The following NLGN1 variants were observed in gnomAD, a reference collection of about 807,000 sequenced individuals.
NLGN1 encodes neuroligin-1.
In NLGN1, 12 loss-of-function variants were observed where a neutral mutation model predicts 65.5. The observed-to-expected ratio is 0.18, with a 90% CI of 0.12 to 0.30. The LOEUF (loss-of-function observed/expected upper bound fraction) is 0.30, where lower values mean the gene tolerates loss of function less well. Among genes scored for constraint, NLGN1 ranks in the 10% least tolerant of loss-of-function variants. NLGN1 has a pLI of 1.00. For missense variants in NLGN1, 750 were observed against 1,007.1 expected (o/e 0.74, Z 3.46); for synonymous variants, 350 against 359.5 (o/e 0.97, Z 0.30).
intron 3 of NLGN1, among the ~76,000 whole-genome samples, chr3:173,758,458 C>G (rs1318669643): frequency 2.6e-5 from 4 of 152,002 alleles, no homozygotes; most frequent in African/African-American, 7.2e-5. Flanking sequence ...AATTTAAATT[C>G]TCTTTTTACT....
chr3:173,419,174 T>C (rs562959641), intron 1 of NLGN1, among the ~76,000 whole-genome samples: 1 of 151,408 alleles, frequency 6.6e-6, no homozygotes, highest in East Asian at 1.9e-4. Context: ...TGAGAAGGGC[T>C]TCTGGCTGAT....
At chr3:174,066,516 GTCTCTCTCTC>G (rs373763421) in intron 4 of NLGN1, among the ~76,000 whole-genome samples, 913 of 67,028 alleles carry the variant, frequency 0.014, 8 homozygotes, top group East Asian at 0.048. Flanking sequence ...TATGGAACAA[GTCTCTCTCTC>G]TCTCTCTCTC....
chr3:174,200,191 G>T (rs1321693858), intron 4 of NLGN1, among the ~76,000 whole-genome samples: 1 of 152,148 alleles, frequency 6.6e-6, no homozygotes, highest in Non-Finnish European at 1.5e-5. Flanking sequence ...TCTGTAAAAT[G>T]CAGGTAGTGA....
In NLGN1 at chr3:173,754,941, T is replaced by TTACCA. The variant is rs553234750; in HGVS notation, c.494-52737_494-52733dup. Among the ~76,000 whole-genome samples the TTACCA allele has an allele frequency of 4.7e-3, 723 of 152,228 alleles. 6 individuals are homozygous for TTACCA. The highest frequency in any genetic ancestry group is 0.017 in the African/African-American group (690 of 41,572). ...CACCTTCAATCACTCATCACAGAGTTTACCATGAAATGCCATCTAAAGGTT... is the reference window on the plus strand; with the variant it reads ...CACCTTCAATCACTCATCACAGAGTTTACCATACCATGAAATGCCATCTAAAGGTT... On this transcript the variant is annotated intron_variant, in intron 3 of 6. Transcript: ENST00000457714.
chr3:173,758,826 G>A (rs1217701012), intron 3 of NLGN1, among the ~76,000 whole-genome samples: 1 of 151,930 alleles, frequency 6.6e-6, no homozygotes, highest in Non-Finnish European at 1.5e-5. Context: ...TCTGATATCA[G>A]TTCTCAATTT....
chr3:174,107,241 A>T (rs1309535519), intron 4 of NLGN1, among the ~76,000 whole-genome samples: 2 of 152,036 alleles, frequency 1.3e-5, no homozygotes, highest in African/African-American at 2.4e-5. Context: ...CATCATAAGG[A>T]TCTCTCATGT....
intron 4 of NLGN1, among the ~76,000 whole-genome samples, chr3:174,124,587 ATATATACGTATACATATATACG>A (rs1718493060): frequency 2.5e-5 from 2 of 80,600 alleles, no homozygotes; most frequent in African/African-American, 1.2e-4. Context: ...ATATATACGT[ATATATACGTATACATATATACG>A]TATATATACG....
intron 2 of NLGN1, among the ~76,000 whole-genome samples, chr3:173,536,946 A>G (rs1194552882): frequency 6.6e-6 from 1 of 152,188 alleles, no homozygotes; most frequent in Non-Finnish European, 1.5e-5. Flanking sequence ...TTCCAGTCTG[A>G]GTCTGAGTCC....
At chr3:173,833,677 C>G (rs1723038795) in intron 4 of NLGN1, among the ~76,000 whole-genome samples, 1 of 152,068 alleles carries the variant, frequency 6.6e-6, no homozygotes, top group Non-Finnish European at 1.5e-5. Flanking sequence ...CACCACCACA[C>G]CCTGCTAATT....
At chr3:173,726,444 A>T (rs1771792598) in intron 3 of NLGN1, among the ~76,000 whole-genome samples, 1 of 151,942 alleles carries the variant, frequency 6.6e-6, no homozygotes, top group South Asian at 2.1e-4. Flanking sequence ...TTCTCACAGG[A>T]TTCTCAAGAA....
intron 4 of NLGN1, among the ~76,000 whole-genome samples, chr3:173,870,211 A>T (rs534512650): frequency 6.6e-6 from 1 of 152,314 alleles, no homozygotes; most frequent in African/African-American, 2.4e-5. Flanking sequence ...ATTAAGTTGC[A>T]TGTATTTATA....
chr3:173,658,566 T>C (rs548634957), intron 3 of NLGN1, among the ~76,000 whole-genome samples: 2 of 152,036 alleles, frequency 1.3e-5, no homozygotes, highest in Non-Finnish European at 2.9e-5. Flanking sequence ...AGATGACTTC[T>C]GATGAGTCCA....
At chr3:173,572,365 T>G (rs1455963158) in intron 2 of NLGN1, among the ~76,000 whole-genome samples, 2 of 152,238 alleles carry the variant, frequency 1.3e-5, no homozygotes, top group East Asian at 3.8e-4. Context: ...TTGTTCAGAT[T>G]TGTAGTATAA....
intron 2 of NLGN1, among the ~76,000 whole-genome samples, chr3:173,459,814 T>C (rs1240499013): frequency 2.0e-5 from 3 of 152,094 alleles, no homozygotes; most frequent in Non-Finnish European, 4.4e-5. Flanking sequence ...AGTTAAATAC[T>C]ATAATAGCAT....
chr3:174,231,745 A>G (rs1023026718), intron 4 of NLGN1, among the ~76,000 whole-genome samples: 3 of 152,094 alleles, frequency 2.0e-5, no homozygotes, highest in Non-Finnish European at 4.4e-5. Flanking sequence ...TTAGCCTGGC[A>G]TGTTGCTCCC....
chr3:173,875,923 T>G (rs1732017398), intron 4 of NLGN1, among the ~76,000 whole-genome samples: 1 of 152,146 alleles, frequency 6.6e-6, no homozygotes, highest in South Asian at 2.1e-4. Context: ...AGGAGATGCT[T>G]ACAAAGAGTT....
At chr3:174,262,429 A>C (rs376651929) in intron 4 of NLGN1, among the ~76,000 whole-genome samples, 405 of 135,290 alleles carry the variant, frequency 3.0e-3, no homozygotes, top group African/African-American at 0.011. Context: ...TGTATGTGTC[A>C]AGGAATGTAT....
chr3:174,235,101 T>TA (rs1741477897), intron 4 of NLGN1, among the ~76,000 whole-genome samples: 1 of 148,224 alleles, frequency 6.7e-6, no homozygotes, highest in Non-Finnish European at 1.5e-5. Flanking sequence ...GCATCTGACC[T>TA]GCATTCTCTT....
At chr3:173,561,586 T>C (rs1206821427) in intron 2 of NLGN1, among the ~76,000 whole-genome samples, 1 of 152,172 alleles carries the variant, frequency 6.6e-6, no homozygotes, top group Non-Finnish European at 1.5e-5. Flanking sequence ...ATTAAATATA[T>C]GTGGTAATAA....
Sources: gnomAD v4.1 joint callset for allele counts (sites outside exome capture counted in the v4.1 genomes callset) on GRCh38, gnomAD v4.1.1 for gene constraint, MANE v1.5 for transcripts, NCBI Gene and HGNC (gene_info 2026-07-23, HGNC 2026-07-21) for gene names.